Variants in PRSS57 observed in about 807,000 individuals in gnomAD.
PRSS57 encodes serine protease 57.
PRSS57 carries 19 observed loss-of-function variants against 20.6 expected under a neutral mutation model. The observed-to-expected ratio is 0.92, with a 90% CI of 0.64 to 1.35. The LOEUF (loss-of-function observed/expected upper bound fraction) is 1.35, where lower values mean the gene tolerates loss of function less well. Among genes scored for constraint, PRSS57 ranks in the 40% most tolerant of loss-of-function variants. PRSS57 has a pLI of 0.00. For synonymous variants in PRSS57, 203 were observed against 176.6 expected, an observed-to-expected ratio of 1.15 and a Z score of -1.19; for missense variants, 440 against 403.7, an observed-to-expected ratio of 1.09 and a Z score of -0.77.
chr19:691,689 C>T (rs769381782), intron 3 of PRSS57, among the ~76,000 whole-genome samples, 169 bp downstream of exon 3: 3 of 144,260 alleles, frequency 2.1e-5, no homozygotes, highest in Non-Finnish European at 4.5e-5. Context: ...CTTGGTGGCG[C>T]GCACCTGTAA....
chr19:685,546 G>T lies in PRSS57; in HGVS notation c.*170C>A. 1 of 657,074 alleles carries T rather than the reference G, an allele frequency of 1.5e-6. No homozygotes were observed. Among genetic ancestry groups the T allele is most frequent in the Non-Finnish European group, 2.5e-6 (1 of 395,746 alleles). 40.7% of individuals were successfully genotyped at this position (657,074 alleles called of 1,614,324 possible). ...TGACCGCCCACGGGTGAGGCTGGAA[G>T]TCAGTTAACATTTTACTGGGTTTGC... On this transcript the variant is annotated 3_prime_UTR_variant, in exon 5 of 5. Coordinates refer to ENST00000329267, the MANE Select transcript of PRSS57 (RefSeq NM_001308209.2).
intron 3 of PRSS57, among the ~76,000 whole-genome samples, chr19:691,382 G>A (rs1274736764): frequency 6.6e-6 from 1 of 151,608 alleles, no homozygotes; most frequent in Non-Finnish European, 1.5e-5. Context: ...GCGAGTGCCT[G>A]TAATCCCAGC....
chr19:687,236 C>G (rs374496227), intron 3 of PRSS57, 48 bp from the exon 4 acceptor site: 2 of 1,443,290 alleles, frequency 1.4e-6, no homozygotes, highest in South Asian at 1.5e-5. Flanking sequence ...TCCCCACCCC[C>G]GCTCCTGCCT....
At chr19:695,271 C>A in intron 1 of PRSS57, 81 bp downstream of exon 1, 1 of 658,488 alleles carries the variant, frequency 1.5e-6, no homozygotes, top group Non-Finnish European at 2.2e-6. Flanking sequence ...CAGGGTTCTC[C>A]CGGGACTGGG....
At chr19:687,405 C>T (rs190245468) in intron 3 of PRSS57, among the ~76,000 whole-genome samples, 1 of 152,256 alleles carries the variant, frequency 6.6e-6, no homozygotes, top group Non-Finnish European at 1.5e-5. Context: ...TCTTTCTGTT[C>T]TGTTCTTTTC....
intron 3 of PRSS57, among the ~76,000 whole-genome samples, 170 bp downstream of exon 3, chr19:691,688 G>A (rs529164339): frequency 7.3e-5 from 11 of 151,204 alleles, no homozygotes; most frequent in South Asian, 4.2e-4. Flanking sequence ...GCTTGGTGGC[G>A]CGCACCTGTA....
intron 4 of PRSS57, among the ~76,000 whole-genome samples, 161 bp downstream of exon 4, chr19:686,764 G>A (rs903535820): frequency 6.6e-6 from 1 of 152,164 alleles, no homozygotes; most frequent in Non-Finnish European, 1.5e-5. Flanking sequence ...TGGCAGCCCT[G>A]CATGACCCTT....
At position 691,909 on chromosome 19, in the gene PRSS57, T is replaced by C. The variant is rs4375794; in HGVS notation, c.327A>G (p.Thr109=). ...QQVFGIDALT[T]HPDYHPMTHA... is the part of the protein sequence containing the mutation. ...GGGTCATGGGGTGGTAGTCGGGGTG[T>C]GTGGTGAGAGCATCGATGCCAAACA... is the stretch of plus-strand genomic sequence containing the variant. The change falls in exon 3 of 5, where the codon ACA becomes ACG. Residue 109 remains threonine, a synonymous_variant. Coordinates refer to ENST00000329267, the MANE Select transcript of PRSS57 (RefSeq NM_001308209.2). The C allele has an allele frequency of 0.78, 1,038,578 of 1,336,520 alleles. 405,740 individuals carry two copies. The highest frequency in any genetic ancestry group is 0.8 in the Non-Finnish European group (825,737 of 1,034,146). The allele number at this position is 1,336,520 out of a possible 1,614,324, so 82.8% of individuals were successfully genotyped here.
chr19:690,593 CT>C, intron 3 of PRSS57: 2 of 253,886 alleles, frequency 7.9e-6, no homozygotes, highest in South Asian at 4.4e-5. Context: ...GATCATTGAC[CT>C]TTTCCTGAGG....
intron 4 of PRSS57, among the ~76,000 whole-genome samples, 187 bp from the exon 5 acceptor site, chr19:686,109 C>A (rs562134184): frequency 2.0e-5 from 3 of 152,252 alleles, no homozygotes; most frequent in Admixed American, 2.0e-4. Flanking sequence ...CCCCGCTGAG[C>A]CTCCTCAGTG....
chr19:687,681 C>T (rs964441004), intron 3 of PRSS57, among the ~76,000 whole-genome samples: 2 of 152,176 alleles, frequency 1.3e-5, no homozygotes, highest in African/African-American at 4.8e-5. Context: ...GCTGGGATTA[C>T]AGAGTGAGCC....
rs1342462161 is a variant in PRSS57, at chr19:686,964, G to T, written c.603C>A (p.Cys201Ter). 13 of 1,614,006 alleles carry T rather than the reference G, an allele frequency of 8.1e-6. No individual in the cohort carries two copies. Among genetic ancestry groups the T allele is most frequent in the African/African-American group, 1.3e-5 (1 of 74,940 alleles). ...WKGHLTLTML[C>*]TRSGDSHRRG... is the part of the protein sequence containing the mutation. ...GTCTGTGGCTGTCCCCACTGCGGGTGCAGAGCATGGTAAGTGTCAGGTGGC... is the reference window on the plus strand; with the variant it reads ...GTCTGTGGCTGTCCCCACTGCGGGTTCAGAGCATGGTAAGTGTCAGGTGGC... Residue 201 changes from cysteine to a stop codon, truncating the protein, a stop_gained, in exon 4 of 5, where the codon TGC (cysteine) becomes TGA (stop). Coordinates refer to ENST00000329267, the MANE Select transcript of PRSS57 (RefSeq NM_001308209.2). LOFTEE classifies it low-confidence loss of function (END_TRUNC).
At chr19:691,025 C>T (rs8108922) in intron 3 of PRSS57, 159,125 of 355,160 alleles carry the variant, frequency 0.45, 38,932 homozygotes, top group Middle Eastern at 0.55. Flanking sequence ...GCCAAGGCCG[C>T]CTCTGATATC....
At chr19:686,031 A>T (rs1189998667) in intron 4 of PRSS57, 109 bp from the exon 5 acceptor site, 3 of 981,096 alleles carry the variant, frequency 3.1e-6, no homozygotes, top group Non-Finnish European at 4.4e-6. Flanking sequence ...CTGCTCTCCA[A>T]GGAAAAAGTA....
intron 2 of PRSS57, among the ~76,000 whole-genome samples, chr19:693,198 C>T (rs1002168418): frequency 4.9e-5 from 7 of 143,952 alleles, no homozygotes; most frequent in African/African-American, 7.8e-5. Flanking sequence ...CCCAAAGTGC[C>T]GGGATTACAG....
chr19:694,880 T>C lies in PRSS57; in HGVS notation c.167A>G (p.His56Arg), dbSNP rs539746086. The change falls in exon 2 of 5, where the codon CAT becomes CGT. Residue 56 changes from histidine to arginine, a missense_variant. Physicochemically the swap from His to Arg is conservative, Grantham distance 29 (BLOSUM62 0). Transcript: ENST00000329267. ...YMASVRFGGQ[H>R]HCGGFLLRAR... ...TCGCAGCAGGAAGCCTCCGCAGTGATGTTGGCCCCCGAAGCGCACGGATGC... is the reference window on the plus strand; with the variant it reads ...TCGCAGCAGGAAGCCTCCGCAGTGACGTTGGCCCCCGAAGCGCACGGATGC... 200 of 1,605,382 alleles carry C rather than the reference T, an allele frequency of 1.2e-4. No homozygotes were observed. In the South Asian group the frequency reaches 2.2e-3, roughly 17 times the overall value.
rs1468875102 is a variant in PRSS57 at position 689,504 on chromosome 19, A to G, written c.379-2316T>C. 2.6e-5 allele frequency among the ~76,000 whole-genome samples: 4 copies of G among 152,146 alleles called. 1 individual carries two copies. The highest frequency in any genetic ancestry group is 2.6e-4 in the Admixed American group (4 of 15,266). ...GAGGTCTGCTGGCCTCGAGTCAGAA[A>G]GGTGACAGGCATGGATTAGCAGGGC... On this transcript the variant is annotated intron_variant, in intron 3 of 4. Coordinates refer to ENST00000329267, the MANE Select transcript of PRSS57 (RefSeq NM_001308209.2).
At chr19:695,265 G>T in intron 1 of PRSS57, 87 bp downstream of exon 1, 1 of 593,404 alleles carries the variant, frequency 1.7e-6, no homozygotes, top group Non-Finnish European at 2.5e-6. Context: ...TCTCCCCAGG[G>T]TTCTCCCGGG....
chr19:686,112 C>A (rs1400385974), intron 4 of PRSS57, among the ~76,000 whole-genome samples, 190 bp from the exon 5 acceptor site: 1 of 152,134 alleles, frequency 6.6e-6, no homozygotes, highest in Non-Finnish European at 1.5e-5. Context: ...CGCTGAGCCT[C>A]CTCAGTGCTC....
Sources: allele counts gnomAD v4.1 joint callset (sites outside exome capture counted in the v4.1 genomes callset), GRCh38; gene constraint gnomAD v4.1.1; transcripts MANE v1.5; gene names NCBI Gene and HGNC (gene_info 2026-07-23, HGNC 2026-07-21).